ITGA1: variants seen among roughly 807,000 people sequenced by gnomAD.
The protein encoded by ITGA1 is integrin subunit alpha 1.
A neutral mutation model predicts 145.9 loss-of-function variants in ITGA1; 85 were observed. The observed-to-expected ratio is 0.58, with a 90% CI of 0.49 to 0.70. ITGA1 has a LOEUF of 0.70. Ranked by LOEUF, ITGA1 falls within the 30% of genes least tolerant of loss-of-function variation. ITGA1 has a pLI of 0.00. For missense variants in ITGA1, 1,351 were observed against 1,418.7 expected, an observed-to-expected ratio of 0.95 and a Z score of 0.77; for synonymous variants, 520 against 495.3, an observed-to-expected ratio of 1.05 and a Z score of -0.66.
chr5:52,822,038 A>G (rs938676504), intron 1 of ITGA1, among the ~76,000 whole-genome samples: 18 of 152,338 alleles, frequency 1.2e-4, no homozygotes, highest in Admixed American at 7.8e-4. Flanking sequence ...CATATATTTT[A>G]TGAATGGAAG....
chr5:52,801,296 C>T (rs1748475506), intron 1 of ITGA1: 5 of 1,144,812 alleles, frequency 4.4e-6, no homozygotes, highest in Non-Finnish European at 6.2e-6. Context: ...ATGGAGTAAA[C>T]TTCGCTGAAA....
At chr5:52,940,223 C>T (rs1215388289) in intron 26 of ITGA1, among the ~76,000 whole-genome samples, 4 of 152,076 alleles carry the variant, frequency 2.6e-5, no homozygotes, top group African/African-American at 7.2e-5. Flanking sequence ...AAATACCTTT[C>T]CAGTACCAAA....
intron 2 of ITGA1, among the ~76,000 whole-genome samples, chr5:52,855,137 T>G (rs1238169593): frequency 3.3e-5 from 5 of 152,160 alleles, no homozygotes; most frequent in African/African-American, 9.7e-5. Context: ...GACAGGAAAC[T>G]GAGACAGAGA....
At chr5:52,921,073 A>C (rs1750724072) in intron 17 of ITGA1, among the ~76,000 whole-genome samples, 1 of 152,110 alleles carries the variant, frequency 6.6e-6, no homozygotes, top group Non-Finnish European at 1.5e-5. Flanking sequence ...GCCAGTGTGA[A>C]TCATTTAAAA....
intron 14 of ITGA1, among the ~76,000 whole-genome samples, chr5:52,913,682 T>C (rs1345571621): frequency 6.6e-6 from 1 of 152,196 alleles, no homozygotes; most frequent in African/African-American, 2.4e-5. Context: ...CACTACCTTC[T>C]AGCTTATATA....
chr5:52,906,833 G>A (rs778594924), intron 12 of ITGA1, among the ~76,000 whole-genome samples: 2 of 152,110 alleles, frequency 1.3e-5, no homozygotes, highest in East Asian at 3.9e-4. Context: ...GCAGCCCAGC[G>A]CAGCAGTAAA....
chr5:52,912,180 G>T (rs932364581), intron 14 of ITGA1, among the ~76,000 whole-genome samples: 31 of 138,516 alleles, frequency 2.2e-4, no homozygotes, highest in Middle Eastern at 0.011. Context: ...CTAGTATATA[G>T]ATACGCTATA....
chr5:52,898,320 C>T lies in ITGA1; in HGVS notation c.1246C>T (p.Pro416Ser), dbSNP rs777188569. 3 of 1,611,024 alleles carry T rather than the reference C, an allele frequency of 1.9e-6. No homozygotes were observed. Among genetic ancestry groups the T allele is most frequent in the Non-Finnish European group, 2.5e-6 (3 of 1,178,046 alleles). ...VMQKASQIII[P>S]RNTTFNVEST... ...GCAGAAGGCTAGTCAAATCATAATC[C>T]CTCGAAACACAACCTTTAATGTTGA... Residue 416 changes from proline (P) to serine (S), a missense_variant, in exon 11 of 29, where the codon CCT (proline) becomes TCT (serine). Physicochemically the swap from Pro to Ser is moderately conservative, Grantham distance 74. Transcript: ENST00000282588.
In ITGA1 at chr5:52,806,809, G is replaced by A. The variant is rs1224398975; in HGVS notation, c.61+18395G>A. On this transcript the variant is annotated intron_variant, in intron 1 of 28. Transcript: ENST00000282588. The stretch of plus-strand genomic sequence containing the variant: ...AATGTTTTAATTTAAATTGAGAAAT[G>A]AATGAGTTTCTGTAAGGACAAACAC... 3.9e-5 allele frequency among the ~76,000 whole-genome samples: 6 copies of A among 152,230 alleles called. 1 individual carries two copies. The highest frequency in any genetic ancestry group is 1.4e-4 in the African/African-American group (6 of 41,564).
In ITGA1 at chr5:52,849,407, A is replaced by C. The variant is rs749360848; in HGVS notation, c.104A>C (p.Asn35Thr). The C allele has an allele frequency of 6.2e-7, 1 of 1,612,284 alleles. No homozygotes were observed. The highest frequency in any genetic ancestry group is 8.5e-7 in the Non-Finnish European group (1 of 1,179,326). ...GTATCATTCAATGTTGATGTGAAAA[A>C]TTCAATGACTTTCAGCGGCCCGGTG... is the stretch of plus-strand genomic sequence containing the variant. The part of the protein sequence containing the change: ...CCVSFNVDVK[N>T]SMTFSGPVED... The change falls in exon 2 of 29, where the codon AAT becomes ACT. Residue 35 changes from asparagine (N) to threonine (T), a missense_variant. Coordinates refer to ENST00000282588, the MANE Select transcript of ITGA1 (RefSeq NM_181501.2).
chr5:52,801,135 C>G (rs1748471773), intron 1 of ITGA1: 1 of 1,577,568 alleles, frequency 6.3e-7, no homozygotes, highest in Admixed American at 1.8e-5. Context: ...AACAATCTTA[C>G]CCAGGGATAA....
chr5:52,816,517 G>T (rs1748777933), intron 1 of ITGA1, among the ~76,000 whole-genome samples: 1 of 152,150 alleles, frequency 6.6e-6, no homozygotes, highest in Non-Finnish European at 1.5e-5. Flanking sequence ...CATTCTTAGG[G>T]AGGGATAGGG....
intron 19 of ITGA1, 113 bp downstream of exon 19, chr5:52,925,600 AT>A (rs1437192812): frequency 5.2e-6 from 4 of 769,156 alleles, no homozygotes; most frequent in African/African-American, 3.5e-5. Context: ...AATAGAAGGA[AT>A]TTTTTACATT....
In ITGA1 at chr5:52,864,755, AT is replaced by A. The variant is rs765496326; in HGVS notation, c.296-3del. 1 of 1,585,460 alleles carries A rather than the reference AT, an allele frequency of 6.3e-7. No homozygotes were observed. The highest frequency in any genetic ancestry group is 1.7e-5 in the Admixed American group (1 of 57,300). On this transcript the variant is annotated splice_region_variant and splice_polypyrimidine_tract_variant and intron_variant, in intron 3 of 28. Coordinates refer to ENST00000282588, the MANE Select transcript of ITGA1 (RefSeq NM_181501.2). ...TTCCTCCCTCATAAAATTTTGTTCT[AT>A]TTTTAGTTAATACATCAATTCCCAA... is the stretch of plus-strand genomic sequence containing the variant.
At chr5:52,927,163 T>C (rs6450096) in intron 19 of ITGA1, among the ~76,000 whole-genome samples, 40,895 of 152,002 alleles carry the variant, frequency 0.27, 6,856 homozygotes, top group African/African-American at 0.47. Flanking sequence ...AGTGGTGCAG[T>C]CAGGGTTTAA....
intron 8 of ITGA1, among the ~76,000 whole-genome samples, chr5:52,892,061 G>A (rs1217242465): frequency 2.6e-5 from 4 of 151,560 alleles, no homozygotes; most frequent in African/African-American, 9.8e-5. Context: ...ATCTACAGAC[G>A]GGAAGAAAAC....
intron 28 of ITGA1, among the ~76,000 whole-genome samples, chr5:52,949,122 AG>A (rs1270083283): frequency 6.6e-6 from 1 of 152,162 alleles, no homozygotes; most frequent in Non-Finnish European, 1.5e-5. Context: ...CGGTAGAAAT[AG>A]TTCAGCCACT....
intron 1 of ITGA1, among the ~76,000 whole-genome samples, chr5:52,798,260 G>A (rs1025253868): frequency 3.9e-5 from 6 of 152,190 alleles, no homozygotes; most frequent in Non-Finnish European, 8.8e-5. Context: ...AGTATGATAG[G>A]AAGGTGGGAA....
rs766101137 is a variant in ITGA1 at position 52,865,823 on chromosome 5, T to A, written c.624+6T>A. On this transcript the variant is annotated splice_donor_region_variant and intron_variant, in intron 6 of 28. Coordinates refer to ENST00000282588, the MANE Select transcript of ITGA1 (RefSeq NM_181501.2). Reference sequence around the variant, plus strand: ...TTGGTCCTAAACAGACACAGGTATGTGACTTTGTGTTTTGATTTCTGTTGT... The same window carrying A: ...TTGGTCCTAAACAGACACAGGTATGAGACTTTGTGTTTTGATTTCTGTTGT... 6.4e-6 allele frequency: 10 copies of A among 1,561,286 alleles called. No individual in the cohort carries two copies. The East Asian group carries it at 2.4e-4, about 37-fold the overall frequency.
Sources: allele counts gnomAD v4.1 joint callset (sites outside exome capture counted in the v4.1 genomes callset), GRCh38; gene constraint gnomAD v4.1.1; transcripts MANE v1.5; gene names NCBI Gene and HGNC (gene_info 2026-07-23, HGNC 2026-07-21).